The following ZFHX3 variants were observed in gnomAD, a reference collection of about 807,000 sequenced individuals.
The protein encoded by ZFHX3 is zinc finger homeobox 3.
ZFHX3 carries 42 observed loss-of-function variants against 279.1 expected under a neutral mutation model. That is an observed-to-expected ratio of 0.15 (90% confidence interval 0.12 to 0.19). The LOEUF (loss-of-function observed/expected upper bound fraction) is 0.19, where lower values mean the gene tolerates loss of function less well. Among genes scored for constraint, ZFHX3 ranks in the 10% least tolerant of loss-of-function variants. The pLI is 1.00. For synonymous variants in ZFHX3, 2,293 were observed against 1,957.8 expected (o/e 1.17, Z -4.52); for missense variants, 4,981 against 4,754.0 (o/e 1.05, Z -1.40).
intron 1 of ZFHX3, among the ~76,000 whole-genome samples, chr16:73,026,902 T>C (rs1964532047): frequency 6.6e-6 from 1 of 152,116 alleles, no homozygotes; most frequent in Admixed American, 6.5e-5. Context: ...TAGCAGTAGA[T>C]TTGGAGCTAG....
intron 3 of ZFHX3, among the ~76,000 whole-genome samples, chr16:73,360,196 C>T (rs1377324547): frequency 2.6e-5 from 4 of 152,172 alleles, no homozygotes; most frequent in African/African-American, 9.7e-5. Context: ...GCAAGATACA[C>T]GTGACAATAA....
intron 3 of ZFHX3, among the ~76,000 whole-genome samples, chr16:73,369,059 G>T (rs564468837): frequency 7.2e-5 from 11 of 152,338 alleles, no homozygotes; most frequent in South Asian, 2.1e-4. Context: ...CTAGGTTTTT[G>T]TGAGGATTGA....
Position 72,957,727 on chromosome 16 carries a change from C to T in ZFHX3, c.2419G>A (p.Glu807Lys), listed in dbSNP as rs754800338. Residue 807 changes from glutamate to lysine, a missense_variant, in exon 2 of 10, where the codon GAG becomes AAG. By Grantham distance (56) the Glu-to-Lys change is moderately conservative. Coordinates refer to ENST00000268489, the MANE Select transcript of ZFHX3 (RefSeq NM_006885.4). ...ACGTTGGTCTCATAATCACACACCT[C>T]GCACCGCCAGGTGGGTTTGGTTTTT... ...KPKTKPTWRC[E>K]VCDYETNVAR... The T allele has an allele frequency of 3.9e-5, 63 of 1,614,018 alleles. No individual in the cohort carries two copies. Among genetic ancestry groups the T allele is most frequent in the South Asian group, 1.3e-4 (12 of 91,082 alleles).
chr16:73,848,891 T>G (rs1961520230), intron 1 of ZFHX3, among the ~76,000 whole-genome samples: 1 of 152,242 alleles, frequency 6.6e-6, no homozygotes, highest in Admixed American at 6.5e-5. Context: ...TTTTGTCTTT[T>G]GGTGCCATCC....
intron 1 of ZFHX3, among the ~76,000 whole-genome samples, chr16:73,042,994 G>A (rs1597128257): frequency 6.6e-6 from 1 of 151,986 alleles, no homozygotes; most frequent in Non-Finnish European, 1.5e-5. Context: ...TTCTCAAGGT[G>A]TGGCCTTGCA....
rs146913515 is a variant in ZFHX3 at position 73,417,143 on chromosome 16, T to C, written c.-1291+38860A>G. On this transcript the variant is annotated intron_variant, in intron 3 of 17. Transcript: ENST00000641206. ...TGTCTTCGATCAAATCATGAGAACC[T>C]TCCTATACATTCTATCCAGTCATGG... Among the ~76,000 whole-genome samples, 132 of 152,078 alleles carry C rather than the reference T, an allele frequency of 8.7e-4. 3 individuals are homozygous for C. Among genetic ancestry groups the C allele is most frequent in the Middle Eastern group, 3.4e-3 (1 of 294 alleles).
chr16:73,373,895 T>C (rs1343258206), intron 3 of ZFHX3, among the ~76,000 whole-genome samples: 1 of 152,182 alleles, frequency 6.6e-6, no homozygotes, highest in Non-Finnish European at 1.5e-5. Flanking sequence ...TACAAAGCTA[T>C]TGAAGAAAGT....
chr16:73,104,184 G>A (rs1439663167), intron 7 of ZFHX3, among the ~76,000 whole-genome samples: 1 of 151,052 alleles, frequency 6.6e-6, no homozygotes, highest in Non-Finnish European at 1.5e-5. Context: ...TAATCTCCAC[G>A]TTTTGGAATT....
chr16:73,646,032 T>A (rs1206438178), intron 2 of ZFHX3, among the ~76,000 whole-genome samples: 1 of 152,186 alleles, frequency 6.6e-6, no homozygotes, highest in Admixed American at 6.5e-5. Context: ...GCCTTTTGGA[T>A]GGGAAATTTT....
intron 2 of ZFHX3, among the ~76,000 whole-genome samples, chr16:73,517,846 G>A (rs975279406): frequency 3.9e-5 from 6 of 152,234 alleles, no homozygotes; most frequent in Admixed American, 2.0e-4. Context: ...GAAATATCAC[G>A]TGAGTCCCAA....
chr16:73,247,742 A>T (rs2013340238), intron 5 of ZFHX3, among the ~76,000 whole-genome samples: 1 of 151,000 alleles, frequency 6.6e-6, no homozygotes, highest in African/African-American at 2.5e-5. Context: ...ATGTGCCTGT[A>T]TGCGGAGTGT....
chr16:73,448,803 C>G (rs1045634779), intron 3 of ZFHX3, among the ~76,000 whole-genome samples: 1 of 150,884 alleles, frequency 6.6e-6, no homozygotes, highest in Non-Finnish European at 1.5e-5. Context: ...ACAGTACATT[C>G]TATGAGAAAC....
intron 1 of ZFHX3, among the ~76,000 whole-genome samples, chr16:73,774,130 T>TAA (rs35937157): frequency 2.0e-5 from 3 of 146,490 alleles, no homozygotes; most frequent in African/African-American, 5.0e-5. Flanking sequence ...ATACTGTCTC[T>TAA]AAAAAAAAAA....
intron 1 of ZFHX3, among the ~76,000 whole-genome samples, chr16:73,010,764 T>A (rs7193002): frequency 0.067 from 10,166 of 152,262 alleles, 368 homozygotes; most frequent in Middle Eastern, 0.11. Context: ...GACATTTACA[T>A]CAAGTTCTAC....
intron 5 of ZFHX3, among the ~76,000 whole-genome samples, chr16:73,245,673 T>C (rs560966452): frequency 6.6e-6 from 1 of 152,312 alleles, no homozygotes; most frequent in Admixed American, 6.5e-5. Flanking sequence ...GGAATTTGTA[T>C]GGTCCAGAGC....
intron 2 of ZFHX3, among the ~76,000 whole-genome samples, chr16:73,531,117 A>G (rs1335339251): frequency 6.6e-6 from 1 of 152,214 alleles, no homozygotes; most frequent in Non-Finnish European, 1.5e-5. Context: ...TAGAGATTCA[A>G]GATGTCTTGC....
At chr16:73,783,950 G>A (rs1471135281) in intron 1 of ZFHX3, among the ~76,000 whole-genome samples, 2 of 152,136 alleles carry the variant, frequency 1.3e-5, no homozygotes, top group African/African-American at 4.8e-5. Context: ...CCTAAGAACA[G>A]GAACCTGTCA....
intron 4 of ZFHX3, among the ~76,000 whole-genome samples, chr16:73,298,568 G>C (rs957928152): frequency 1.3e-5 from 2 of 151,340 alleles, no homozygotes; most frequent in African/African-American, 4.9e-5. Context: ...TGTGTAGAGG[G>C]CAATAAGGTA....
chr16:73,478,071 G>C (rs976509102), intron 2 of ZFHX3, among the ~76,000 whole-genome samples: 1 of 152,044 alleles, frequency 6.6e-6, no homozygotes, highest in Admixed American at 6.6e-5. Flanking sequence ...AAGAGATCGA[G>C]AACATCCTGG....
Sources: gnomAD v4.1 joint callset for allele counts (sites outside exome capture counted in the v4.1 genomes callset) on GRCh38, gnomAD v4.1.1 for gene constraint, MANE v1.5 for transcripts, NCBI Gene and HGNC (gene_info 2026-07-23, HGNC 2026-07-21) for gene names.